EPAS1: variants seen among roughly 807,000 people sequenced by gnomAD.
EPAS1 encodes endothelial PAS domain-containing protein 1.
EPAS1 carries 23 observed loss-of-function variants against 87.9 expected under a neutral mutation model. The observed-to-expected ratio is 0.26, with a 90% CI of 0.19 to 0.37. The LOEUF is 0.37. EPAS1 is among the 10% of genes least tolerant of loss of function. EPAS1 has a pLI of 1.00. For missense variants in EPAS1, 1,138 were observed against 1,120.7 expected (o/e 1.02, Z -0.22); for synonymous variants, 508 against 444.3 (o/e 1.14, Z -1.80).
rs1253089642 is a variant in EPAS1, at chr2:46,346,018, C to T, written c.27-855C>T. ...TTAAATGATTTATTTACAGAGCTAA[C>T]AAGCAGAGAAGTTAGAACTCCAATC... is the stretch of plus-strand genomic sequence containing the variant. On this transcript the variant is annotated intron_variant, in intron 1 of 15. Coordinates refer to ENST00000263734, the MANE Select transcript of EPAS1 (RefSeq NM_001430.5). This position sits in a 1 kb window ranked among gnomAD's most constrained non-coding sequence, Gnocchi z 4.0. Among the ~76,000 whole-genome samples the T allele has an allele frequency of 2.0e-5, 3 of 152,186 alleles. No homozygotes were observed. Among genetic ancestry groups the T allele is most frequent in the African/African-American group, 7.2e-5 (3 of 41,442 alleles).
At chr2:46,298,035 AG>A (rs1366669954) in intron 1 of EPAS1, 98 bp downstream of exon 1, 1 of 1,476,334 alleles carries the variant, frequency 6.8e-7, no homozygotes, top group African/African-American at 1.4e-5. Flanking sequence ...AAGAGTGCTG[AG>A]AGGTCTTCGG....
chr2:46,369,697 C>G, intron 6 of EPAS1, 130 bp from the exon 7 acceptor site: 2 of 717,786 alleles, frequency 2.8e-6, no homozygotes, highest in Admixed American at 2.0e-5. Context: ...CATGGTACAA[C>G]AAGAAAGTCT....
intron 1 of EPAS1, among the ~76,000 whole-genome samples, chr2:46,310,876 G>A (rs1365647658): frequency 2.6e-5 from 4 of 151,016 alleles, no homozygotes; most frequent in East Asian, 2.0e-4. Context: ...TGACAACTGC[G>A]TGTTTGGCCT....
intron 14 of EPAS1, 79 bp from the exon 15 acceptor site, chr2:46,382,346 G>C: frequency 1.3e-6 from 2 of 1,567,664 alleles, no homozygotes; most frequent in South Asian, 1.1e-5. Flanking sequence ...TTTTATAAAG[G>C]AAAGGGATGC....
intron 2 of EPAS1, among the ~76,000 whole-genome samples, chr2:46,348,714 A>G (rs1232333207): frequency 6.6e-6 from 1 of 152,208 alleles, no homozygotes; most frequent in Non-Finnish European, 1.5e-5. Context: ...TTGGGAGCAG[A>G]AGTGCTTTTG....
At chr2:46,366,670 C>G (rs889443751) in intron 6 of EPAS1, among the ~76,000 whole-genome samples, 1 of 152,144 alleles carries the variant, frequency 6.6e-6, no homozygotes, top group Non-Finnish European at 1.5e-5. Context: ...CGGGTGACCT[C>G]AAACTGATTT....
intron 1 of EPAS1, among the ~76,000 whole-genome samples, chr2:46,336,892 C>T (rs929630895): frequency 9.2e-5 from 14 of 152,238 alleles, no homozygotes; most frequent in Admixed American, 6.5e-4. Context: ...CTGGGTGACT[C>T]CACAGGCAGC....
chr2:46,376,612 A>T lies in EPAS1; in HGVS notation c.1108A>T (p.Met370Leu). ...ESLFKPHLMA[M>L]NSIFDSSGKG... ...CCTGTTCAAGCCCCACCTGATGGCC[A>T]TGAACAGCATCTTTGATAGCAGTGG... Residue 370 changes from methionine (M) to leucine (L), a missense_variant, in exon 9 of 16, where the codon ATG becomes TTG. Physicochemically the swap from Met to Leu is conservative, Grantham distance 15. Transcript: ENST00000263734. 1 of 1,614,180 alleles carries T rather than the reference A, an allele frequency of 6.2e-7. No homozygotes were observed. Among genetic ancestry groups the T allele is most frequent in the Non-Finnish European group, 8.5e-7 (1 of 1,180,030 alleles).
chr2:46,369,137 T>C (rs1422685373), intron 6 of EPAS1, among the ~76,000 whole-genome samples: 1 of 152,130 alleles, frequency 6.6e-6, no homozygotes, highest in African/African-American at 2.4e-5. Flanking sequence ...TATGATTTAA[T>C]ATTTCTTCCT....
intron 1 of EPAS1, among the ~76,000 whole-genome samples, chr2:46,304,928 G>A (rs968143980): frequency 4.6e-5 from 7 of 152,194 alleles, no homozygotes; most frequent in East Asian, 1.9e-4. Context: ...GAGCCCTTTC[G>A]CTGATGAGCC....
At chr2:46,304,536 C>A (rs997751180) in intron 1 of EPAS1, among the ~76,000 whole-genome samples, 30 of 151,924 alleles carry the variant, frequency 2.0e-4, no homozygotes, top group African/African-American at 7.0e-4. Context: ...TGTGATTTAT[C>A]ACTTGCATCA....
chr2:46,297,964 G>A, intron 1 of EPAS1, 27 bp downstream of exon 1: 1 of 1,610,810 alleles, frequency 6.2e-7, no homozygotes, highest in Non-Finnish European at 8.5e-7. Flanking sequence ...GCCGATCAGG[G>A]GGCCGGTCCG....
chr2:46,381,141 C>T, intron 12 of EPAS1: 1 of 350,300 alleles, frequency 2.9e-6, no homozygotes, highest in African/African-American at 2.1e-5. Context: ...CCAGCTGTGC[C>T]TAGGCTCCAG....
chr2:46,355,935 A>G (rs1332607167), intron 2 of EPAS1, among the ~76,000 whole-genome samples: 1 of 152,060 alleles, frequency 6.6e-6, no homozygotes, highest in Non-Finnish European at 1.5e-5. Flanking sequence ...TGTTGTCACA[A>G]CAAGCACACT....
At chr2:46,378,125 T>C (rs1372402558) in intron 10 of EPAS1, 38 bp downstream of exon 10, 2 of 1,559,500 alleles carry the variant, frequency 1.3e-6, no homozygotes, top group South Asian at 2.4e-5. Context: ...CAGAGAGGGC[T>C]CCGTATGTAT....
At position 46,360,471 on chromosome 2, in the gene EPAS1, C is replaced by T. The variant is rs1414937354; in HGVS notation, c.455-167C>T. 6.6e-6 allele frequency among the ~76,000 whole-genome samples: 1 copy of T among 152,236 alleles called. No homozygotes were observed. Reference sequence around the variant, plus strand: ...CTTGAGAGTGGGAACCATTAGTTCACAGGCCATGATGGAGCTCAGTGTTGA... The same window carrying T: ...CTTGAGAGTGGGAACCATTAGTTCATAGGCCATGATGGAGCTCAGTGTTGA... On this transcript the variant is annotated intron_variant, in intron 4 of 15. Coordinates refer to ENST00000263734, the MANE Select transcript of EPAS1 (RefSeq NM_001430.5). This position sits in a 1 kb window ranked among gnomAD's most constrained non-coding sequence, Gnocchi z 4.5.
At chr2:46,342,519 T>A (rs1683932649) in intron 1 of EPAS1, among the ~76,000 whole-genome samples, 1 of 152,172 alleles carries the variant, frequency 6.6e-6, no homozygotes, top group Admixed American at 6.5e-5. Context: ...AATAGGCATA[T>A]TGTTTTGATA....
At position 46,308,663 on chromosome 2, in the gene EPAS1, T is replaced by C. The variant is rs577476804; in HGVS notation, c.26+10726T>C. Among the ~76,000 whole-genome samples the C allele has an allele frequency of 1.2e-3, 187 of 152,344 alleles. 1 individual carries two copies. Among genetic ancestry groups the C allele is most frequent in the African/African-American group, 4.4e-3 (181 of 41,574 alleles). ...TTTGGGGGACCACAGTCAGGTCTTA[T>C]TGATACATAACTTTATATCAGATGC... On this transcript the variant is annotated intron_variant, in intron 1 of 15. Transcript: ENST00000263734.
At chr2:46,322,614 T>A (rs1683474575) in intron 1 of EPAS1, among the ~76,000 whole-genome samples, 1 of 152,204 alleles carries the variant, frequency 6.6e-6, no homozygotes, top group Admixed American at 6.5e-5. Flanking sequence ...AACCACTGCT[T>A]TCCATCAAGC....
Sources: allele counts gnomAD v4.1 joint callset (sites outside exome capture counted in the v4.1 genomes callset), GRCh38; gene constraint gnomAD v4.1.1; non-coding constraint Gnocchi (gnomAD v3.1); transcripts MANE v1.5; gene names NCBI Gene and HGNC (gene_info 2026-07-23, HGNC 2026-07-21).